CEMIP2: variants seen among roughly 807,000 people sequenced by gnomAD.
CEMIP2 encodes the protein cell surface hyaluronidase CEMIP2.
Under a neutral mutation model 146.9 loss-of-function variants are expected in CEMIP2, and 79 were observed. That is an observed-to-expected ratio of 0.54 (90% CI 0.45 to 0.65). CEMIP2 has a LOEUF of 0.65. Ranked by LOEUF, CEMIP2 falls within the 30% of genes least tolerant of loss-of-function variation. The pLI, the probability that CEMIP2 is intolerant of heterozygous loss-of-function variation, is 0.00. For synonymous variants in CEMIP2, 601 were observed against 606.3 expected, an observed-to-expected ratio of 0.99 and a Z score of 0.13; for missense variants, 1,596 against 1,696.2, an observed-to-expected ratio of 0.94 and a Z score of 1.04.
chr9:71,700,540 A>T, intron 19 of CEMIP2, 102 bp downstream of exon 19: 1 of 1,201,556 alleles, frequency 8.3e-7, no homozygotes, highest in Non-Finnish European at 1.2e-6. Flanking sequence ...AGAATTACCC[A>T]CATCAGCTGC....
chr9:71,748,445 C>A (rs910845448), intron 2 of CEMIP2, among the ~76,000 whole-genome samples: 1 of 152,134 alleles, frequency 6.6e-6, no homozygotes, highest in African/African-American at 2.4e-5. Context: ...CTGCACTTTA[C>A]ACTGCCAAAA....
intron 6 of CEMIP2, 87 bp downstream of exon 6, chr9:71,734,719 G>A (rs1278099408): frequency 8.1e-7 from 1 of 1,229,934 alleles, no homozygotes; most frequent in East Asian, 2.4e-5. Context: ...GGTAGTGATG[G>A]TAGTGACTGA....
chr9:71,729,728 G>T (rs1036772297), intron 10 of CEMIP2, 117 bp downstream of exon 10: 5 of 969,040 alleles, frequency 5.2e-6, no homozygotes, highest in South Asian at 1.5e-5. Flanking sequence ...AGTAGTACCA[G>T]AAAACAATGT....
intron 1 of CEMIP2, among the ~76,000 whole-genome samples, chr9:71,757,107 C>T (rs957452303): frequency 1.3e-5 from 2 of 152,170 alleles, no homozygotes; most frequent in African/African-American, 2.4e-5. Flanking sequence ...TAGGCTATAT[C>T]ATCAGTCCCC....
intron 15 of CEMIP2, among the ~76,000 whole-genome samples, chr9:71,713,823 C>G (rs1822974330): frequency 6.6e-6 from 1 of 152,296 alleles, no homozygotes; most frequent in Non-Finnish European, 1.5e-5. Context: ...GCTGGCAGAA[C>G]CTATCTCATT....
chr9:71,748,350 A>G (rs184175968), intron 2 of CEMIP2, among the ~76,000 whole-genome samples: 234 of 152,296 alleles, frequency 1.5e-3, no homozygotes, highest in African/African-American at 5.5e-3. Context: ...AGCAGTGAGT[A>G]TATTATCAAA....
intron 16 of CEMIP2, among the ~76,000 whole-genome samples, chr9:71,711,707 A>T (rs1822910275): frequency 6.6e-6 from 1 of 152,202 alleles, no homozygotes; most frequent in Non-Finnish European, 1.5e-5. Context: ...TAGCCCTCAG[A>T]CAAGTAAAAT....
chr9:71,749,498 G>T (rs1824183741), intron 2 of CEMIP2, among the ~76,000 whole-genome samples: 1 of 151,894 alleles, frequency 6.6e-6, no homozygotes, highest in South Asian at 2.1e-4. Flanking sequence ...CTGAGGTCAG[G>T]AGTTCGAGAC....
In CEMIP2 at chr9:71,685,394, C is replaced by CAAAA; in HGVS notation, c.3956-2_3956-1insTTTT. ...CTGAATCCCAAAAATATGGTACTCC[C>CAAAA]TAAAAAAAAAAAAAAAAAAGAAAAA... is the stretch of plus-strand genomic sequence containing the variant. On this transcript the variant is annotated splice_acceptor_variant, in intron 23 of 23. Coordinates refer to ENST00000377044, the MANE Select transcript of CEMIP2 (RefSeq NM_013390.3). LOFTEE classifies it high-confidence loss of function. 4 of 901,790 alleles carry CAAAA rather than the reference C, an allele frequency of 4.4e-6. No homozygotes were observed. The highest frequency in any genetic ancestry group is 5.5e-6 in the Non-Finnish European group (4 of 729,906). 55.9% of individuals were successfully genotyped at this position (901,790 alleles called of 1,614,324 possible).
In CEMIP2 at chr9:71,750,099, G is replaced by A. The variant is rs1824201815; in HGVS notation, c.275C>T (p.Ser92Leu). The change falls in exon 2 of 24, where the codon TCA becomes TTA. Residue 92 changes from serine (S) to leucine (L), a missense_variant. Coordinates refer to ENST00000377044, the MANE Select transcript of CEMIP2 (RefSeq NM_013390.3). Reference sequence around the variant, plus strand: ...AATGATTGCAAGTGCAATAAAAAATGAGAAACTAGTAATAGCAAAACAAAT... The same window carrying A: ...AATGATTGCAAGTGCAATAAAAAATAAGAAACTAGTAATAGCAAAACAAAT... ...TFICFAITSF[S>L]FFIALAIILG... The A allele has an allele frequency of 6.2e-7, 1 of 1,613,288 alleles. No homozygotes were observed. Among genetic ancestry groups the A allele is most frequent in the East Asian group, 2.2e-5 (1 of 44,730 alleles).
intron 4 of CEMIP2, among the ~76,000 whole-genome samples, chr9:71,742,839 G>T (rs1174226914): frequency 6.6e-6 from 1 of 152,310 alleles, no homozygotes; most frequent in African/African-American, 2.4e-5. Context: ...AAGCAATTTT[G>T]TAACAGGTCC....
intron 12 of CEMIP2, among the ~76,000 whole-genome samples, chr9:71,721,664 A>G (rs1373023869): frequency 6.6e-6 from 1 of 152,208 alleles, no homozygotes; most frequent in Non-Finnish European, 1.5e-5. Flanking sequence ...TCTTTTCCTA[A>G]GTGTCTGTCA....
At chr9:71,719,353 A>G (rs1399016394) in intron 12 of CEMIP2, among the ~76,000 whole-genome samples, 1 of 152,202 alleles carries the variant, frequency 6.6e-6, no homozygotes, top group East Asian at 1.9e-4. Flanking sequence ...AGGAACAGCA[A>G]GGAAGTTTGC....
intron 1 of CEMIP2, among the ~76,000 whole-genome samples, chr9:71,753,915 A>G (rs1414746825): frequency 6.6e-6 from 1 of 152,188 alleles, no homozygotes; most frequent in African/African-American, 2.4e-5. Context: ...GTATACAGAA[A>G]AAAGATTTAC....
chr9:71,741,628 CTGGT>C (rs1823918890), intron 4 of CEMIP2, among the ~76,000 whole-genome samples: 1 of 110,016 alleles, frequency 9.1e-6, no homozygotes, highest in South Asian at 3.2e-4. Context: ...TTTTTCTTTT[CTGGT>C]TTTTTTTTTT....
At chr9:71,749,928 A>T in intron 2 of CEMIP2, 115 bp downstream of exon 2, 1 of 804,166 alleles carries the variant, frequency 1.2e-6, no homozygotes, top group Non-Finnish European at 1.9e-6. Flanking sequence ...CGTATTACCT[A>T]ACTACATATT....
rs1016666757 is a variant in CEMIP2, at chr9:71,714,942, G to C, written c.2583C>G (p.Pro861=). 1 of 1,613,142 alleles carries C rather than the reference G, an allele frequency of 6.2e-7. No homozygotes were observed. The highest frequency in any genetic ancestry group is 8.5e-7 in the Non-Finnish European group (1 of 1,179,664). Residue 861 remains proline, a synonymous_variant, in exon 15 of 24, where the codon CCC becomes CCG. Transcript: ENST00000377044. The part of the protein sequence containing the change: ...GGIDQKPRTL[P]RNRTFPIRGF... ...GCTAAAGCAATGCTTACCTGTTCCTGGGTAATGTTCGAGGCTTCTGGTCTA... is the reference window on the plus strand; with the variant it reads ...GCTAAAGCAATGCTTACCTGTTCCTCGGTAATGTTCGAGGCTTCTGGTCTA...
chr9:71,704,453 A>G lies in CEMIP2; in HGVS notation c.3194+142T>C, dbSNP rs1822667892. 9 of 793,786 alleles carry G rather than the reference A, an allele frequency of 1.1e-5. No individual in the cohort carries two copies. The Admixed American group carries it at 1.7e-4, about 15-fold the overall frequency. The allele number at this position is 793,786 out of a possible 1,614,324, so 49.2% of individuals were successfully genotyped here. A position where few individuals can be genotyped will look rare whatever the true frequency, so the allele number is the denominator to read the frequency against. On this transcript the variant is annotated intron_variant, in intron 18 of 23. Coordinates refer to ENST00000377044, the MANE Select transcript of CEMIP2 (RefSeq NM_013390.3). ...TAATCTCTTTAATTCCATCAACACA[A>G]AATATACAGCCTCCCCACAAGAGAA...
At chr9:71,713,312 A>G (rs1289725534) in intron 15 of CEMIP2, among the ~76,000 whole-genome samples, 1 of 152,140 alleles carries the variant, frequency 6.6e-6, no homozygotes, top group Non-Finnish European at 1.5e-5. Flanking sequence ...AAAAGAGAGC[A>G]CAAGCTCTCT....
Sources: allele counts gnomAD v4.1 joint callset (sites outside exome capture counted in the v4.1 genomes callset), GRCh38; gene constraint gnomAD v4.1.1; transcripts MANE v1.5; gene names NCBI Gene and HGNC (gene_info 2026-07-23, HGNC 2026-07-21).